The following SMYD3 variants were observed in gnomAD, a reference collection of about 807,000 sequenced individuals.
SMYD3 encodes the protein histone-lysine N-methyltransferase SMYD3.
In SMYD3, 36 loss-of-function variants were observed where a neutral mutation model predicts 57.7. The observed-to-expected ratio is 0.62, with a 90% confidence interval of 0.48 to 0.82. The LOEUF is 0.82. Among genes scored for constraint, SMYD3 ranks in the 40% least tolerant of loss-of-function variants. The pLI is 0.00. For missense variants in SMYD3, 515 were observed against 538.8 expected (o/e 0.96, Z 0.44); for synonymous variants, 211 against 195.0 (o/e 1.08, Z -0.68).
intron 5 of SMYD3, among the ~76,000 whole-genome samples, chr1:246,193,131 A>G (rs954521754): frequency 1.4e-4 from 22 of 152,238 alleles, no homozygotes; most frequent in African/African-American, 4.8e-4. Context: ...AAGTATCCTT[A>G]GGTCCCATTT....
intron 5 of SMYD3, among the ~76,000 whole-genome samples, chr1:246,225,374 T>C (rs1572238939): frequency 1.6e-5 from 2 of 126,998 alleles, no homozygotes; most frequent in African/African-American, 6.0e-5. Context: ...AGACACCAGA[T>C]TTGGCAAGAC....
intron 5 of SMYD3, among the ~76,000 whole-genome samples, chr1:246,068,602 C>G (rs2060390110): frequency 6.6e-6 from 1 of 152,166 alleles, no homozygotes; most frequent in African/African-American, 2.4e-5. Context: ...TGCTACCAGT[C>G]AAACCCCTAC....
chr1:245,818,085 C>A (rs1481533914), intron 10 of SMYD3, among the ~76,000 whole-genome samples: 5 of 151,864 alleles, frequency 3.3e-5, no homozygotes, highest in Admixed American at 2.0e-4. Flanking sequence ...AACTCCAAGA[C>A]ACATAATTGT....
At chr1:245,928,134 C>T in intron 6 of SMYD3, 101 bp from the exon 7 acceptor site, 1 of 860,524 alleles carries the variant, frequency 1.2e-6, no homozygotes, top group Non-Finnish European at 1.8e-6. Context: ...TGGGGGGCAG[C>T]AGCAGGTAGG....
intron 5 of SMYD3, among the ~76,000 whole-genome samples, chr1:246,255,975 T>TAGATAGACAGAC (rs1558353985): frequency 7.4e-6 from 1 of 135,812 alleles, no homozygotes; most frequent in South Asian, 2.5e-4. Flanking sequence ...GATAGATAGA[T>TAGATAGACAGAC]AGATAGATAG....
chr1:245,956,232 A>G (rs2057836560), intron 5 of SMYD3: 1 of 175,476 alleles, frequency 5.7e-6, no homozygotes, highest in African/African-American at 2.4e-5. Flanking sequence ...GGTATTTTCT[A>G]TACTAGCACC....
chr1:246,306,647 T>C (rs1415259245), intron 5 of SMYD3, among the ~76,000 whole-genome samples: 1 of 152,212 alleles, frequency 6.6e-6, no homozygotes, highest in Admixed American at 6.5e-5. Context: ...ATTAAATTTG[T>C]ACACCACTTT....
At chr1:246,004,300 G>T (rs1248938718) in intron 5 of SMYD3, among the ~76,000 whole-genome samples, 1 of 152,262 alleles carries the variant, frequency 6.6e-6, no homozygotes, top group African/African-American at 2.4e-5. Context: ...GAGAAGAAAA[G>T]CCTTCCAAGA....
In SMYD3 at chr1:246,123,444, G is replaced by A. The variant is rs577000492; in HGVS notation, c.532-193507C>T. ...TAGCTGGGCATGGTGGTGGGCACCT[G>A]TAGTCCCAGCTACTCGGGCAGCTGA... On this transcript the variant is annotated intron_variant, in intron 5 of 11. Coordinates refer to ENST00000490107, the MANE Select transcript of SMYD3 (RefSeq NM_001167740.2). Among the ~76,000 whole-genome samples, 8 of 152,200 alleles carry A rather than the reference G, an allele frequency of 5.3e-5. No individual in the cohort carries two copies. In the East Asian group the frequency reaches 9.7e-4, roughly 18 times the overall value.
At chr1:245,955,249 A>G (rs962702259) in intron 5 of SMYD3, among the ~76,000 whole-genome samples, 24 of 63,464 alleles carry the variant, frequency 3.8e-4, no homozygotes, top group East Asian at 1.5e-3. Context: ...CCGCCGCCAT[A>G]CCTGGCTAAT....
intron 5 of SMYD3, among the ~76,000 whole-genome samples, chr1:246,122,747 A>C (rs2061442963): frequency 6.6e-6 from 1 of 152,178 alleles, no homozygotes; most frequent in Non-Finnish European, 1.5e-5. Context: ...GTGTATGGTG[A>C]CCAGGCCGAA....
chr1:245,772,655 A>G (rs1487910452), intron 10 of SMYD3, among the ~76,000 whole-genome samples: 1 of 151,092 alleles, frequency 6.6e-6, no homozygotes, highest in Non-Finnish European at 1.5e-5. Flanking sequence ...AGACAAGACT[A>G]TCTCTACAAA....
chr1:246,144,310 T>C (rs1057073950), intron 5 of SMYD3, among the ~76,000 whole-genome samples: 1 of 152,222 alleles, frequency 6.6e-6, no homozygotes, highest in African/African-American at 2.4e-5. Context: ...ATTAAATTTA[T>C]TGAATGTGTT....
chr1:246,442,295 G>A (rs2067481776), intron 1 of SMYD3, among the ~76,000 whole-genome samples: 1 of 152,118 alleles, frequency 6.6e-6, no homozygotes, highest in South Asian at 2.1e-4. Flanking sequence ...GGTGGCTCAC[G>A]CCTGTAATCC....
At chr1:245,874,006 T>C (rs1458728254) in intron 8 of SMYD3, among the ~76,000 whole-genome samples, 1 of 152,228 alleles carries the variant, frequency 6.6e-6, no homozygotes, top group Non-Finnish European at 1.5e-5. Context: ...ATGTGTAAAG[T>C]ATATGTTGTC....
intron 1 of SMYD3, among the ~76,000 whole-genome samples, chr1:246,442,716 C>G (rs2340779): frequency 0.99 from 150,459 of 152,268 alleles, 74,361 homozygotes; most frequent in East Asian, 1. Context: ...ATTTTGAACA[C>G]AGTATTGAAA....
chr1:246,140,644 A>C (rs1439536979), intron 5 of SMYD3, among the ~76,000 whole-genome samples: 1 of 152,190 alleles, frequency 6.6e-6, no homozygotes, highest in Non-Finnish European at 1.5e-5. Flanking sequence ...TAGGGGTCTC[A>C]ATCTGTCACC....
chr1:246,326,537 G>T (rs1258880827), intron 5 of SMYD3: 2 of 504,320 alleles, frequency 4.0e-6, no homozygotes, highest in Non-Finnish European at 6.9e-6. Context: ...ACTTTGGGAG[G>T]CCGAGGCGGG....
intron 1 of SMYD3, among the ~76,000 whole-genome samples, chr1:246,374,390 T>C (rs376883384): frequency 1.3e-5 from 2 of 152,328 alleles, no homozygotes. Context: ...TCGCCCAATA[T>C]GTATGTTCCC....
Sources: allele counts gnomAD v4.1 joint callset (sites outside exome capture counted in the v4.1 genomes callset), GRCh38; gene constraint gnomAD v4.1.1; transcripts MANE v1.5; gene names NCBI Gene and HGNC (gene_info 2026-07-23, HGNC 2026-07-21).